Variants in CDH13 observed in about 807,000 individuals in gnomAD.
CDH13 encodes the protein cadherin 13.
CDH13 carries 24 observed loss-of-function variants against 63.8 expected under a neutral mutation model. The observed-to-expected ratio is 0.38, with a 90% CI of 0.27 to 0.53. The LOEUF is 0.53. CDH13 is among the 20% of genes least tolerant of loss of function. The pLI is 0.85. For synonymous variants in CDH13, 503 were observed against 355.3 expected, an observed-to-expected ratio of 1.42 and a Z score of -4.67; for missense variants, 1,049 against 903.1, an observed-to-expected ratio of 1.16 and a Z score of -2.07.
At chr16:83,541,374 C>T (rs892217315) in intron 7 of CDH13, among the ~76,000 whole-genome samples, 1 of 152,122 alleles carries the variant, frequency 6.6e-6, no homozygotes, top group Non-Finnish European at 1.5e-5. Flanking sequence ...GTCTTCAGTC[C>T]CTCACATTCC....
At chr16:82,762,855 T>A (rs1308767387) in intron 1 of CDH13, among the ~76,000 whole-genome samples, 1 of 152,206 alleles carries the variant, frequency 6.6e-6, no homozygotes, top group Non-Finnish European at 1.5e-5. Context: ...GTGGTTTGGG[T>A]GGGCACTCTC....
rs1473255614 is a variant in CDH13 at position 82,921,010 on chromosome 16, G to A, written c.157+62537G>A. 2.0e-5 allele frequency among the ~76,000 whole-genome samples: 3 copies of A among 151,872 alleles called. No individual in the cohort carries two copies. In the East Asian group the frequency reaches 5.8e-4, roughly 29 times the overall value. ...AGATGATTGTTGTTTTTGTCCTCTA[G>A]TCTATTAATTAAGCTTATTGTATTA... is the stretch of plus-strand genomic sequence containing the variant. On this transcript the variant is annotated intron_variant, in intron 2 of 13. Coordinates refer to ENST00000567109, the MANE Select transcript of CDH13 (RefSeq NM_001257.5).
At chr16:83,335,969 G>T (rs953068215) in intron 5 of CDH13, among the ~76,000 whole-genome samples, 3 of 152,032 alleles carry the variant, frequency 2.0e-5, no homozygotes, top group African/African-American at 7.2e-5. Flanking sequence ...TTTTGTCTGC[G>T]GCTTGTCCTG....
intron 1 of CDH13, among the ~76,000 whole-genome samples, chr16:82,716,731 CA>C (rs1193438647): frequency 2.6e-5 from 4 of 151,130 alleles, no homozygotes; most frequent in African/African-American, 4.9e-5. Flanking sequence ...TGGAGGGGTT[CA>C]CTGTTGCTGA....
intron 4 of CDH13, among the ~76,000 whole-genome samples, chr16:83,213,274 A>G (rs191199044): frequency 2.0e-5 from 3 of 152,266 alleles, no homozygotes; most frequent in Non-Finnish European, 4.4e-5. Context: ...GGGCAAGAAA[A>G]TGACTGAGAC....
At chr16:83,205,160 C>G (rs1321420931) in intron 4 of CDH13, among the ~76,000 whole-genome samples, 1 of 152,188 alleles carries the variant, frequency 6.6e-6, no homozygotes, top group Admixed American at 6.5e-5. Context: ...CAGGAGCCAC[C>G]TTGACTTAAA....
intron 2 of CDH13, among the ~76,000 whole-genome samples, chr16:82,966,439 G>A (rs1414636571): frequency 2.6e-5 from 4 of 152,142 alleles, no homozygotes; most frequent in East Asian, 1.9e-4. Flanking sequence ...GAGCCAGCGC[G>A]CCTGGCCTAT....
intron 5 of CDH13, among the ~76,000 whole-genome samples, chr16:83,287,061 A>AC (rs2089335927): frequency 6.6e-6 from 1 of 152,174 alleles, no homozygotes; most frequent in Admixed American, 6.5e-5. Flanking sequence ...CGCATGCTGA[A>AC]GGTACCCATG....
intron 8 of CDH13, among the ~76,000 whole-genome samples, chr16:83,633,871 A>G (rs1191418014): frequency 6.6e-6 from 1 of 152,210 alleles, no homozygotes; most frequent in East Asian, 1.9e-4. Flanking sequence ...ATGTGATCCC[A>G]GAATGCATCA....
intron 2 of CDH13, among the ~76,000 whole-genome samples, chr16:82,949,870 A>C (rs1349467657): frequency 6.6e-6 from 1 of 152,076 alleles, no homozygotes; most frequent in Non-Finnish European, 1.5e-5. Flanking sequence ...CAGGATCCTG[A>C]GTTCAAGATC....
At chr16:83,184,298 T>C (rs75638976) in intron 4 of CDH13, among the ~76,000 whole-genome samples, 1,910 of 152,270 alleles carry the variant, frequency 0.013, 63 homozygotes, top group South Asian at 0.11. Flanking sequence ...AATCAGCCTC[T>C]TACATTAACT....
chr16:83,047,191 C>G lies in CDH13; in HGVS notation c.366+14973C>G, dbSNP rs1003799411. 2.0e-5 allele frequency among the ~76,000 whole-genome samples: 3 copies of G among 152,190 alleles called. No individual in the cohort carries two copies. Among genetic ancestry groups the G allele is most frequent in the Non-Finnish European group, 4.4e-5 (3 of 68,030 alleles). On this transcript the variant is annotated intron_variant, in intron 3 of 13. Transcript: ENST00000567109. This position sits in a 1 kb window ranked among gnomAD's most constrained non-coding sequence, Gnocchi z 4.9. ...TCTGCAGACTATAAGCAGACTTTAT[C>G]TGAAGACCACCTCCTGCCCCTCACT...
chr16:83,161,042 G>C (rs1474352198), intron 4 of CDH13, among the ~76,000 whole-genome samples: 1 of 151,894 alleles, frequency 6.6e-6, no homozygotes, highest in African/African-American at 2.4e-5. Flanking sequence ...ATTGCATCTA[G>C]ACTGAGCATC....
At chr16:83,277,741 A>G (rs2089037501) in intron 5 of CDH13, among the ~76,000 whole-genome samples, 1 of 152,170 alleles carries the variant, frequency 6.6e-6, no homozygotes, top group South Asian at 2.1e-4. Context: ...TCTTTCTACT[A>G]TATTTTCTTT....
chr16:82,945,893 T>C (rs1294274846), intron 2 of CDH13, among the ~76,000 whole-genome samples: 1 of 152,138 alleles, frequency 6.6e-6, no homozygotes, highest in Non-Finnish European at 1.5e-5. Context: ...CTAGGGACAC[T>C]CTCAGTTCCT....
intron 4 of CDH13, among the ~76,000 whole-genome samples, chr16:83,211,861 A>C (rs1275365198): frequency 2.0e-5 from 3 of 151,950 alleles, no homozygotes; most frequent in African/African-American, 7.3e-5. Flanking sequence ...CCAGGGGCTC[A>C]TGTTCTTTCT....
rs2151012069 is a variant in CDH13 at position 83,783,439 on chromosome 16, T to C, written c.2101T>C (p.Ser701Pro). The C allele has an allele frequency of 6.2e-7, 1 of 1,613,942 alleles. No individual in the cohort carries two copies. Among genetic ancestry groups the C allele is most frequent in the East Asian group, 2.2e-5 (1 of 44,882 alleles). The change falls in exon 13 of 14, where the codon TCA (serine) becomes CCA (proline). Residue 701 changes from serine (S) to proline (P), a missense_variant. Physicochemically the swap from Ser to Pro is moderately conservative, Grantham distance 74. Transcript: ENST00000567109. ...AAGALRFSLPSVLLLSLFSLA... is the reference protein window; with the variant it reads ...AAGALRFSLPPVLLLSLFSLA... ...AGGGGCCCTGCGCTTCAGCCTGCCC[T>C]CAGTCCTGCTCCTCAGCCTCTTCAG...
intron 8 of CDH13, among the ~76,000 whole-genome samples, chr16:83,667,729 C>G (rs1914125687): frequency 3.3e-5 from 5 of 152,174 alleles, no homozygotes; most frequent in Admixed American, 3.3e-4. Context: ...GTAATCATAG[C>G]TCACTGCAGC....
At chr16:82,648,464 C>T (rs1028847057) in intron 1 of CDH13, among the ~76,000 whole-genome samples, 7 of 152,100 alleles carry the variant, frequency 4.6e-5, no homozygotes, top group African/African-American at 1.4e-4. Flanking sequence ...TAGAATATTA[C>T]ATAACCATTA....
Sources: gnomAD v4.1 joint callset for allele counts (sites outside exome capture counted in the v4.1 genomes callset) on GRCh38, gnomAD v4.1.1 for gene constraint, Gnocchi (gnomAD v3.1) non-coding constraint, MANE v1.5 for transcripts, NCBI Gene and HGNC (gene_info 2026-07-23, HGNC 2026-07-21) for gene names.